Variants in SMARCD2 observed in about 807,000 individuals in gnomAD.
SMARCD2 encodes the protein SWI/SNF related BAF chromatin remodeling complex subunit D2.
Under a neutral mutation model 70.4 loss-of-function variants are expected in SMARCD2, and 39 were observed. That is an observed-to-expected ratio of 0.55 (90% CI 0.43 to 0.72). SMARCD2 has a LOEUF of 0.72. SMARCD2 is among the 30% of genes least tolerant of loss of function. The pLI, the probability that SMARCD2 is intolerant of heterozygous loss-of-function variation, is 0.00. For missense variants in SMARCD2, 540 were observed against 713.4 expected, an observed-to-expected ratio of 0.76 and a Z score of 2.77; for synonymous variants, 249 against 279.4, an observed-to-expected ratio of 0.89 and a Z score of 1.08.
chr17:63,840,517 T>C (rs1160172307), intron 1 of SMARCD2, among the ~76,000 whole-genome samples: 1 of 152,104 alleles, frequency 6.6e-6, no homozygotes, highest in East Asian at 1.9e-4. Flanking sequence ...TAGGTTCCTC[T>C]GTTAACTGTG....
chr17:63,842,428 GC>G (rs1200842173), intron 1 of SMARCD2, 30 bp downstream of exon 1: 2 of 1,337,782 alleles, frequency 1.5e-6, no homozygotes, highest in East Asian at 3.3e-5. Context: ...AGCGCCTCTC[GC>G]CCCCGTCCGC....
At chr17:63,836,205 C>T (rs541769877) in intron 4 of SMARCD2, among the ~76,000 whole-genome samples, 3 of 151,926 alleles carry the variant, frequency 2.0e-5, no homozygotes, top group African/African-American at 7.2e-5. Flanking sequence ...CTTCACCACT[C>T]GGGACTGTTC....
rs1394638552 is a variant in SMARCD2, at chr17:63,832,358, GAAAA to G, written c.*576_*579del. The G allele has an allele frequency of 4.2e-6, 1 of 237,008 alleles. No homozygotes were observed. Among genetic ancestry groups the G allele is most frequent in the African/African-American group, 2.3e-5 (1 of 43,730 alleles). The allele number at this position is 237,008 out of a possible 1,614,324, so 14.7% of individuals were successfully genotyped here. A position where few individuals can be genotyped will look rare whatever the true frequency, so the allele number is the denominator to read the frequency against. Reference sequence around the variant, plus strand: ...GAGCCGCTTGCATAGATTGAGGAAAGAAAAGAAGGAGGCACCTAACAGGCTCCCT... The same window carrying G: ...GAGCCGCTTGCATAGATTGAGGAAAGGAAGGAGGCACCTAACAGGCTCCCT... On this transcript the variant is annotated 3_prime_UTR_variant, in exon 13 of 13. Coordinates refer to ENST00000448276, the MANE Select transcript of SMARCD2 (RefSeq NM_001098426.2).
At chr17:63,840,671 T>G (rs2090941249) in intron 1 of SMARCD2, among the ~76,000 whole-genome samples, 2 of 152,122 alleles carry the variant, frequency 1.3e-5, no homozygotes, top group Admixed American at 1.3e-4. Flanking sequence ...GTTTCCCAGA[T>G]CTCAAGTCCC....
Position 63,834,973 on chromosome 17 carries a change from GC to G in SMARCD2, c.724-174del, listed in dbSNP as rs908556085. The G allele has an allele frequency of 6.6e-6, 4 of 603,162 alleles. No individual in the cohort carries two copies. Among genetic ancestry groups the G allele is most frequent in the Non-Finnish European group, 1.2e-5 (4 of 340,388 alleles). 37.4% of individuals were successfully genotyped at this position (603,162 alleles called of 1,614,324 possible). ...GGCAGACTGGAGGCAGGGAAATGGT[GC>G]CCTCTTGCAGCCCACGAGGGACTTC... On this transcript the variant is annotated intron_variant, in intron 5 of 12. Coordinates refer to ENST00000448276, the MANE Select transcript of SMARCD2 (RefSeq NM_001098426.2). This position sits in a 1 kb window ranked among gnomAD's most constrained non-coding sequence, Gnocchi z 5.6.
Position 63,833,470 on chromosome 17 carries a change from C to T in SMARCD2, c.1318-50G>A. The T allele has an allele frequency of 6.2e-7, 1 of 1,610,610 alleles. No homozygotes were observed. The highest frequency in any genetic ancestry group is 8.5e-7 in the Non-Finnish European group (1 of 1,177,560). On this transcript the variant is annotated intron_variant, in intron 10 of 12. Transcript: ENST00000448276. The surrounding 1 kb of genome is among the most constrained non-coding windows in gnomAD (Gnocchi z 4.3). ...TGTGCCCCCAAAGCTTACATGCAAG[C>T]AACTGAGCCAGAGTTCCCATCCCGT...
chr17:63,842,409 C>T, intron 1 of SMARCD2, 50 bp downstream of exon 1: 2 of 1,307,034 alleles, frequency 1.5e-6, no homozygotes, highest in Non-Finnish European at 1.9e-6. Context: ...CCGGCCCGGG[C>T]GCCCTCGCAG....
At chr17:63,838,015 T>G (rs972424665) in intron 1 of SMARCD2, among the ~76,000 whole-genome samples, 1 of 152,170 alleles carries the variant, frequency 6.6e-6, no homozygotes, top group African/African-American at 2.4e-5. Flanking sequence ...CCTGCCCTCC[T>G]TCTCTTTCTC....
At chr17:63,836,500 GAAAAAAAAAAAAA>G (rs61376475) in intron 4 of SMARCD2, among the ~76,000 whole-genome samples, 1 of 64,830 alleles carries the variant, frequency 1.5e-5, no homozygotes, top group Non-Finnish European at 3.3e-5. Flanking sequence ...CTCCATCTCA[GAAAAAAAAAAAAA>G]AAAAAAAAAG....
rs946634005 is a variant in SMARCD2, at chr17:63,834,568, C to T, written c.827G>A (p.Arg276Gln). Residue 276 changes from arginine (R) to glutamine (Q), a missense_variant, in exon 7 of 13, where the codon CGG (arginine) becomes CAG (glutamine). Physicochemically the swap from Arg to Gln is conservative, Grantham distance 43. Coordinates refer to ENST00000448276, the MANE Select transcript of SMARCD2 (RefSeq NM_001098426.2). The surrounding 1 kb of genome is among the most constrained non-coding windows in gnomAD (Gnocchi z 5.6). The stretch of plus-strand genomic sequence containing the variant: ...ATCTGTCTCCTGGGTGGTGGGCATC[C>T]GGTGCCACTGGCAGGGAGGGAAGCA... ...GPDNHLVEWH[R>Q]MPTTQETDGF... 5.6e-6 allele frequency: 9 copies of T among 1,603,148 alleles called. No individual in the cohort carries two copies. Among genetic ancestry groups the T allele is most frequent in the African/African-American group, 1.3e-5 (1 of 74,696 alleles).
intron 5 of SMARCD2, 108 bp downstream of exon 5, chr17:63,835,304 G>T (rs1479117618): frequency 8.4e-7 from 1 of 1,196,390 alleles, no homozygotes; most frequent in Non-Finnish European, 1.2e-6. Flanking sequence ...TAAATTTTTT[G>T]TAGAGATGGG....
intron 5 of SMARCD2, 111 bp downstream of exon 5, chr17:63,835,301 T>C (rs1171995631): frequency 1.3e-5 from 15 of 1,178,356 alleles, no homozygotes; most frequent in Admixed American, 2.8e-5. Flanking sequence ...TTTTAAATTT[T>C]TTGTAGAGAT....
chr17:63,839,030 G>T (rs1011371458), intron 1 of SMARCD2: 1 of 985,372 alleles, frequency 1.0e-6, no homozygotes, highest in Non-Finnish European at 1.2e-6. Flanking sequence ...AAAGTTCAAA[G>T]TGGGGGGCTC....
Position 63,837,334 on chromosome 17 carries a change from G to T in SMARCD2, c.402-97C>A. 1 of 1,516,582 alleles carries T rather than the reference G, an allele frequency of 6.6e-7. No homozygotes were observed. The highest frequency in any genetic ancestry group is 9.2e-7 in the Non-Finnish European group (1 of 1,091,698). The allele number at this position is 1,516,582 out of a possible 1,614,324, so 93.9% of individuals were successfully genotyped here. On this transcript the variant is annotated intron_variant, in intron 2 of 12. Coordinates refer to ENST00000448276, the MANE Select transcript of SMARCD2 (RefSeq NM_001098426.2). This position sits in a 1 kb window ranked among gnomAD's most constrained non-coding sequence, Gnocchi z 6.4. ...CAGTCTCCAGGACCCTCTCCCCCAG[G>T]AGAGCCTGGAGTCATCCTCAGTCAC...
rs1567759950 is a variant in SMARCD2 at position 63,833,184 on chromosome 17, G to T, written c.1441-14C>A. 1 of 1,608,634 alleles carries T rather than the reference G, an allele frequency of 6.2e-7. No homozygotes were observed. The highest frequency in any genetic ancestry group is 2.2e-5 in the East Asian group (1 of 44,696). On this transcript the variant is annotated splice_polypyrimidine_tract_variant and intron_variant, in intron 11 of 12. Transcript: ENST00000448276. This position sits in a 1 kb window ranked among gnomAD's most constrained non-coding sequence, Gnocchi z 4.3. ...ATCAGTGATGATCTGCAAAGAGCCAGGAGGAAAGCCATAGCATAATCCCCA... is the reference window on the plus strand; with the variant it reads ...ATCAGTGATGATCTGCAAAGAGCCATGAGGAAAGCCATAGCATAATCCCCA...
chr17:63,835,889 C>T (rs534034429), intron 4 of SMARCD2, among the ~76,000 whole-genome samples: 1 of 152,198 alleles, frequency 6.6e-6, no homozygotes, highest in South Asian at 2.1e-4. Flanking sequence ...CCACCATGCC[C>T]AGCTAATTTT....
chr17:63,834,332 G>A lies in SMARCD2; in HGVS notation c.922-4C>T. On this transcript the variant is annotated splice_polypyrimidine_tract_variant and splice_region_variant and intron_variant, in intron 7 of 12. Transcript: ENST00000448276. This position sits in a 1 kb window ranked among gnomAD's most constrained non-coding sequence, Gnocchi z 5.6. Reference sequence around the variant, plus strand: ...GGTCCAATTTGTACTGGGGAGGCTGGAGTTGGATGGAGGGGAGTCAGAACG... The same window carrying A: ...GGTCCAATTTGTACTGGGGAGGCTGAAGTTGGATGGAGGGGAGTCAGAACG... 6.2e-7 allele frequency: 1 copy of A among 1,609,594 alleles called. No individual in the cohort carries two copies. Among genetic ancestry groups the A allele is most frequent in the Non-Finnish European group, 8.5e-7 (1 of 1,176,638 alleles).
rs2144627921 is a variant in SMARCD2 at position 63,834,439 on chromosome 17, T to C, written c.921+35A>G. 1 of 1,552,730 alleles carries C rather than the reference T, an allele frequency of 6.4e-7. No homozygotes were observed. The highest frequency in any genetic ancestry group is 2.3e-5 in the East Asian group (1 of 44,224). On this transcript the variant is annotated intron_variant, in intron 7 of 12. Coordinates refer to ENST00000448276, the MANE Select transcript of SMARCD2 (RefSeq NM_001098426.2). This position sits in a 1 kb window ranked among gnomAD's most constrained non-coding sequence, Gnocchi z 5.6. ...ACCAGCTCCCCTCCTGAGGGGTCCC[T>C]GTGGGCCCAGAAATGACCCCAGGGT...
rs2040287426 is a variant in SMARCD2 at position 63,837,963 on chromosome 17, T to C, written c.217-338A>G. On this transcript the variant is annotated intron_variant, in intron 1 of 12. Coordinates refer to ENST00000448276, the MANE Select transcript of SMARCD2 (RefSeq NM_001098426.2). This position sits in a 1 kb window ranked among gnomAD's most constrained non-coding sequence, Gnocchi z 6.4. ...CCCCAGCATGCTGTGCCCTATTCCC[T>C]GGGCAAGCTGGTCCCTATTCTCTCA... Among the ~76,000 whole-genome samples the C allele has an allele frequency of 6.6e-6, 1 of 152,108 alleles. No individual in the cohort carries two copies. The highest frequency in any genetic ancestry group is 1.5e-5 in the Non-Finnish European group (1 of 67,994).
Sources: allele counts gnomAD v4.1 joint callset (sites outside exome capture counted in the v4.1 genomes callset), GRCh38; gene constraint gnomAD v4.1.1; non-coding constraint Gnocchi (gnomAD v3.1); transcripts MANE v1.5; gene names NCBI Gene and HGNC (gene_info 2026-07-23, HGNC 2026-07-21).